Variants in SEC23A observed in about 807,000 individuals in gnomAD.
SEC23A encodes SEC23 homolog A, COPII component, also known as protein transport protein Sec23A.
A neutral mutation model predicts 103.7 loss-of-function variants in SEC23A; 56 were observed. The ratio of observed to expected loss-of-function variants is 0.54; its 90% CI spans 0.44 to 0.67. The LOEUF (loss-of-function observed/expected upper bound fraction) is 0.67, where lower values mean the gene tolerates loss of function less well. SEC23A is among the 30% of genes least tolerant of loss of function. The pLI is 0.00. For missense variants in SEC23A, 784 were observed against 936.4 expected (o/e 0.84, Z 2.12); for synonymous variants, 281 against 293.0 (o/e 0.96, Z 0.42).
chr14:39,099,266 C>A (rs1293504964), intron 1 of SEC23A, among the ~76,000 whole-genome samples: 1 of 150,264 alleles, frequency 6.7e-6, no homozygotes, highest in Non-Finnish European at 1.5e-5. Context: ...TCAAGCGATT[C>A]CCCTGCCTCA....
intron 13 of SEC23A, among the ~76,000 whole-genome samples, chr14:39,060,730 A>C (rs372738610): frequency 6.6e-6 from 1 of 152,242 alleles, no homozygotes; most frequent in Non-Finnish European, 1.5e-5. Context: ...GAAAGGTACT[A>C]AATTCAGTTA....
rs770420880 is a variant in SEC23A, at chr14:39,095,933, A to T, written c.186T>A (p.Ser62Arg). The stretch of plus-strand genomic sequence containing the variant: ...TCAAAACTGCACGGCAAGTGGTCCT[A>T]CTACACAGAACAGGTTCATATTGAA... ...PPIQYEPVLC[S>R]RTTCRAVLNP... Residue 62 changes from serine to arginine, a missense_variant, in exon 2 of 20, where the codon AGT becomes AGA. Coordinates refer to ENST00000307712, the MANE Select transcript of SEC23A (RefSeq NM_006364.4). 8.1e-6 allele frequency: 13 copies of T among 1,614,110 alleles called. No individual in the cohort carries two copies. Among genetic ancestry groups the T allele is most frequent in the East Asian group, 6.7e-5 (3 of 44,880 alleles).
intron 13 of SEC23A, 54 bp from the exon 14 acceptor site, chr14:39,055,350 T>A: frequency 6.4e-7 from 1 of 1,551,000 alleles, no homozygotes; most frequent in Non-Finnish European, 8.9e-7. Context: ...ACCCACAATA[T>A]CATAGTTGGC....
rs905892778 is a variant in SEC23A at position 39,049,066 on chromosome 14, C to T, written c.1660-337G>A. Among the ~76,000 whole-genome samples, 6 of 151,976 alleles carry T rather than the reference C, an allele frequency of 3.9e-5. No homozygotes were observed. The East Asian group carries it at 1.2e-3, about 29-fold the overall frequency. ...TGCCTTAAAACACCAAAAAGGCTGG[C>T]ACAGTGACTGACGCCTGTAATTCCA... On this transcript the variant is annotated intron_variant, in intron 14 of 19. Transcript: ENST00000307712.
chr14:39,070,239 A>C (rs1566498254), intron 9 of SEC23A, among the ~76,000 whole-genome samples: 1 of 152,256 alleles, frequency 6.6e-6, no homozygotes, highest in Non-Finnish European at 1.5e-5. Flanking sequence ...GCAGGTGCTC[A>C]TTCATATTTA....
intron 1 of SEC23A, 54 bp from the exon 2 acceptor site, chr14:39,096,193 A>T: frequency 1.7e-6 from 2 of 1,186,712 alleles, no homozygotes; most frequent in Non-Finnish European, 2.5e-6. Flanking sequence ...AAGAACGTTC[A>T]AAATATGAAT....
At chr14:39,085,200 G>A (rs1887389787) in intron 7 of SEC23A, among the ~76,000 whole-genome samples, 1 of 152,186 alleles carries the variant, frequency 6.6e-6, no homozygotes, top group South Asian at 2.1e-4. Context: ...ATGAATATGT[G>A]GAGGTTCCTG....
Position 39,055,176 on chromosome 14 carries a change from C to T in SEC23A, c.1626G>A (p.Val542=), listed in dbSNP as rs1288174701. The T allele has an allele frequency of 2.5e-6, 4 of 1,614,076 alleles. No homozygotes were observed. Among genetic ancestry groups the T allele is most frequent in the East Asian group, 4.5e-5 (2 of 44,892 alleles). The change falls in exon 14 of 20, where the codon GTG becomes GTA. Residue 542 remains valine, a synonymous_variant. Coordinates refer to ENST00000307712, the MANE Select transcript of SEC23A (RefSeq NM_006364.4). ...YRAETEEGPD[V]LRWLDRQLIR... The stretch of plus-strand genomic sequence containing the variant: ...TGAGCTGTCTGTCCAGCCACCTAAG[C>T]ACATCTGGACCTTCTTCTGTTTCTG...
chr14:39,034,510 A>G (rs757077516), intron 19 of SEC23A, among the ~76,000 whole-genome samples: 6 of 152,206 alleles, frequency 3.9e-5, no homozygotes, highest in Non-Finnish European at 1.5e-5. Flanking sequence ...ACAAGTCTCA[A>G]AACTGTAACC....
chr14:39,067,355 A>C, intron 9 of SEC23A, 59 bp from the exon 10 acceptor site: 1 of 1,595,214 alleles, frequency 6.3e-7, no homozygotes, highest in South Asian at 1.1e-5. Context: ...CCGTGTGTTA[A>C]AATCGTAGAA....
rs200540771 is a variant in SEC23A, at chr14:39,061,812, C to G, written c.1458G>C (p.Gln486His). The change falls in exon 13 of 20, where the codon CAG becomes CAC. Residue 486 changes from glutamine to histidine, a missense_variant. By Grantham distance (24) the Gln-to-His change is conservative (BLOSUM62 0). Around this residue, in one of 2 missense-constraint regions of SEC23A, gnomAD observed 683 missense variants for 774.2 expected, o/e 0.88. Transcript: ENST00000307712. The part of the protein sequence containing the change: ...RGAIQFVTQY[Q>H]HSSGQRRIRV... The stretch of plus-strand genomic sequence containing the variant: ...GGATGCGTCTCTGCCCACTTGAATG[C>G]TGATACTGAGTCACAAACTGGATTG... The G allele has an allele frequency of 3.1e-6, 5 of 1,613,940 alleles. No homozygotes were observed. Among genetic ancestry groups the G allele is most frequent in the Non-Finnish European group, 4.2e-6 (5 of 1,179,822 alleles).
chr14:39,050,088 C>A (rs1886005794), intron 14 of SEC23A, among the ~76,000 whole-genome samples: 2 of 152,062 alleles, frequency 1.3e-5, no homozygotes, highest in African/African-American at 4.8e-5. Context: ...TTTTGAACAC[C>A]TGTAAAATGC....
intron 1 of SEC23A, among the ~76,000 whole-genome samples, chr14:39,101,235 T>C (rs1296785253): frequency 1.3e-5 from 2 of 152,220 alleles, no homozygotes; most frequent in Non-Finnish European, 2.9e-5. Context: ...TTTGGTTAAA[T>C]AATTTATCAT....
At chr14:39,094,399 T>C (rs1252004714) in intron 2 of SEC23A, among the ~76,000 whole-genome samples, 513 of 3,328 alleles carry the variant, frequency 0.15, 36 homozygotes, top group South Asian at 0.28. Context: ...CACACACACA[T>C]ATATATATAT....
At chr14:39,061,071 T>C (rs1265521992) in intron 13 of SEC23A, among the ~76,000 whole-genome samples, 1 of 152,208 alleles carries the variant, frequency 6.6e-6, no homozygotes, top group Admixed American at 6.5e-5. Context: ...TAATCTTATA[T>C]CTTATTAATC....
At position 39,067,237 on chromosome 14, in the gene SEC23A, C is replaced by A; in HGVS notation, c.1163G>T (p.Arg388Ile). ...NTSLFKQTFQRVFTKDMHGQF... is the reference protein window; with the variant it reads ...NTSLFKQTFQIVFTKDMHGQF... ...TCCATGCATGTCTTTGGTAAAGACT[C>A]TTTGAAAAGTTTGTTTGAATAAGGA... The change falls in exon 10 of 20, where the codon AGA (arginine) becomes ATA (isoleucine). Residue 388 changes from arginine to isoleucine, a missense_variant. Around this residue, in one of 2 missense-constraint regions of SEC23A, gnomAD observed 683 missense variants for 774.2 expected, o/e 0.88. Transcript: ENST00000307712. 1 of 1,613,540 alleles carries A rather than the reference C, an allele frequency of 6.2e-7. No homozygotes were observed. The highest frequency in any genetic ancestry group is 8.5e-7 in the Non-Finnish European group (1 of 1,179,708).
Position 39,086,918 on chromosome 14 carries a change from A to G in SEC23A, c.683+11T>C, listed in dbSNP as rs1425654893. The G allele has an allele frequency of 3.9e-6, 6 of 1,529,330 alleles. No homozygotes were observed. The highest frequency in any genetic ancestry group is 5.4e-6 in the Non-Finnish European group (6 of 1,102,648). The allele number at this position is 1,529,330 out of a possible 1,614,324, so 94.7% of individuals were successfully genotyped here. A position where few individuals can be genotyped will look rare whatever the true frequency, so the allele number is the denominator to read the frequency against. On this transcript the variant is annotated intron_variant, in intron 6 of 19. Transcript: ENST00000307712. Reference sequence around the variant, plus strand: ...CAGAAACGGTCAAATTCTCTTCATCATATTTATTACCTGTTGGAAGGAGGT... The same window carrying G: ...CAGAAACGGTCAAATTCTCTTCATCGTATTTATTACCTGTTGGAAGGAGGT...
intron 13 of SEC23A, among the ~76,000 whole-genome samples, chr14:39,060,474 C>A (rs1454620483): frequency 6.6e-6 from 1 of 152,108 alleles, no homozygotes; most frequent in Non-Finnish European, 1.5e-5. Context: ...CCTTCCTTGT[C>A]CATTGTCGAG....
chr14:39,100,595 T>G (rs540272082), intron 1 of SEC23A, among the ~76,000 whole-genome samples: 5 of 151,952 alleles, frequency 3.3e-5, no homozygotes, highest in African/African-American at 1.2e-4. Flanking sequence ...GTATTTTTAG[T>G]AGAGATGGGG....
Sources: gnomAD v4.1 joint callset for allele counts (sites outside exome capture counted in the v4.1 genomes callset) on GRCh38, gnomAD v4.1.1 for gene constraint, gnomAD v4.1.1 regional missense constraint, MANE v1.5 for transcripts, NCBI Gene and HGNC (gene_info 2026-07-23, HGNC 2026-07-21) for gene names.